The following CACNB2 variants were observed in gnomAD, a reference collection of about 807,000 sequenced individuals.
The protein encoded by CACNB2 is voltage-dependent L-type calcium channel subunit beta-2.
CACNB2 carries 42 observed loss-of-function variants against 73.3 expected under a neutral mutation model. That is an observed-to-expected ratio of 0.57 (90% CI 0.45 to 0.74). CACNB2 has a LOEUF of 0.74. CACNB2 is among the 30% of genes least tolerant of loss of function. The pLI, the probability that CACNB2 is intolerant of heterozygous loss-of-function variation, is 0.00. For missense variants in CACNB2, 940 were observed against 853.0 expected, an observed-to-expected ratio of 1.10 and a Z score of -1.27; for synonymous variants, 348 against 310.3, an observed-to-expected ratio of 1.12 and a Z score of -1.28.
chr10:18,470,476 A>G (rs2048126251), intron 3 of CACNB2, among the ~76,000 whole-genome samples: 1 of 150,608 alleles, frequency 6.6e-6, no homozygotes, highest in South Asian at 2.1e-4. Context: ...ACTGTATTGT[A>G]TATATTACAT....
chr10:18,416,093 TC>T (rs1344795709), intron 3 of CACNB2, among the ~76,000 whole-genome samples: 1 of 152,110 alleles, frequency 6.6e-6, no homozygotes, highest in Non-Finnish European at 1.5e-5. Flanking sequence ...CTGAATTGAT[TC>T]CTTCCATCTT....
chr10:18,536,275 G>GTTTTTTTTTTTTTTT lies in CACNB2; in HGVS notation c.1302+79_1302+80insTTTTTTTTTTTTTTT, dbSNP rs2053587888. 414 of 92,498 alleles carry GTTTTTTTTTTTTTTT rather than the reference G, an allele frequency of 4.5e-3. 88 individuals carry two copies. Among genetic ancestry groups the GTTTTTTTTTTTTTTT allele is most frequent in the African/African-American group, 9.7e-3 (99 of 10,156 alleles). 5.7% of individuals were successfully genotyped at this position (92,498 alleles called of 1,614,324 possible). ...TTTTTTTTTTTTTTTTTTTTTTTTG[G>GTTTTTTTTTTTTTTT]GGGACAAGGTCTTGCTCTGTTGCCC... is the stretch of plus-strand genomic sequence containing the variant. On this transcript the variant is annotated intron_variant, in intron 12 of 13. Transcript: ENST00000324631.
chr10:18,412,135 T>C (rs1249416885), intron 3 of CACNB2, among the ~76,000 whole-genome samples: 3 of 152,142 alleles, frequency 2.0e-5, no homozygotes, highest in Non-Finnish European at 2.9e-5. Flanking sequence ...CGCATGCTGG[T>C]CCCAGGGCTG....
At chr10:18,512,463 C>G (rs965891948) in intron 6 of CACNB2, among the ~76,000 whole-genome samples, 6 of 148,010 alleles carry the variant, frequency 4.1e-5, no homozygotes, top group Admixed American at 1.4e-4. Context: ...TCCATTCTCT[C>G]TTTTTCTCAA....
intron 3 of CACNB2, among the ~76,000 whole-genome samples, chr10:18,478,136 T>A (rs1458613589): frequency 3.3e-5 from 5 of 152,198 alleles, no homozygotes; most frequent in Non-Finnish European, 7.4e-5. Flanking sequence ...TTCACCATGT[T>A]GCCCAGGATG....
chr10:18,248,354 T>C (rs2131541472), intron 2 of CACNB2, among the ~76,000 whole-genome samples: 1 of 152,350 alleles, frequency 6.6e-6, no homozygotes, highest in African/African-American at 2.4e-5. Flanking sequence ...GTAAGAATAA[T>C]GGAATACTTC....
At chr10:18,152,709 C>CAAAAAAAAAAAAAAAAAAAAAAAA (rs772732675) in intron 2 of CACNB2, among the ~76,000 whole-genome samples, 6 of 49,368 alleles carry the variant, frequency 1.2e-4, no homozygotes, top group African/African-American at 1.5e-4. Context: ...TGAAACAGAC[C>CAAAAAAAAAAAAAAAAAAAAAAAA]AAAAAAAAAA....
chr10:18,141,042 G>T, intron 1 of CACNB2, 186 bp downstream of exon 1: 1 of 1,544,932 alleles, frequency 6.5e-7, no homozygotes, highest in Non-Finnish European at 8.7e-7. Context: ...TCCTGGCTCT[G>T]CCTCGGCTTC....
intron 2 of CACNB2, among the ~76,000 whole-genome samples, chr10:18,343,445 A>G (rs1163105397): frequency 6.6e-6 from 1 of 152,152 alleles, no homozygotes; most frequent in East Asian, 1.9e-4. Context: ...GGCAGATTTT[A>G]TCTTCTCTGA....
In CACNB2 at chr10:18,498,393, C is replaced by T; in HGVS notation, c.372C>T (p.Ser124=). 1 of 1,614,146 alleles carries T rather than the reference C, an allele frequency of 6.2e-7. No homozygotes were observed. The highest frequency in any genetic ancestry group is 1.1e-5 in the South Asian group (1 of 91,084). The change falls in exon 4 of 14, where the codon AGC becomes AGT. Residue 124 remains serine, a synonymous_variant. Coordinates refer to ENST00000324631, the MANE Select transcript of CACNB2 (RefSeq NM_201596.3). ...CATTTGCGGTTCGGACAAATGTCAG[C>T]TACAGTGCGGCCCATGAAGATGATG... ...PVAFAVRTNV[S]YSAAHEDDVP...
chr10:18,298,377 A>T (rs542381096), intron 2 of CACNB2, among the ~76,000 whole-genome samples: 17 of 152,198 alleles, frequency 1.1e-4, no homozygotes, highest in Non-Finnish European at 2.2e-4. Context: ...CTCAAAAAAA[A>T]AAAAACCTAA....
chr10:18,437,988 C>A (rs1282586454), intron 3 of CACNB2, among the ~76,000 whole-genome samples: 1 of 143,502 alleles, frequency 7.0e-6, no homozygotes, highest in African/African-American at 2.6e-5. Context: ...TGTCGGGATA[C>A]CTGGCCCAGT....
In CACNB2 at chr10:18,356,938, A is replaced by ATGTCTTTTT. The variant is rs1436280481; in HGVS notation, c.214-44985_214-44984insGTCTTTTTT. Among the ~76,000 whole-genome samples the ATGTCTTTTT allele has an allele frequency of 6.3e-3, 595 of 94,320 alleles. 88 individuals are homozygous for ATGTCTTTTT. Among genetic ancestry groups the ATGTCTTTTT allele is most frequent in the African/African-American group, 8.8e-3 (231 of 26,314 alleles). The allele number at this position is 94,320 out of a possible 152,430, so 61.9% of individuals were successfully genotyped here. ...AGCCACTGTGCCTGGCCCAGACTCAATTTCTTTTTTTTTTTTTTTTTTTTG... is the reference window on the plus strand; with the variant it reads ...AGCCACTGTGCCTGGCCCAGACTCAATGTCTTTTTTTTCTTTTTTTTTTTTTTTTTTTTG... On this transcript the variant is annotated intron_variant, in intron 2 of 13. Transcript: ENST00000324631.
intron 2 of CACNB2, among the ~76,000 whole-genome samples, chr10:18,264,499 T>C (rs1170100993): frequency 1.3e-5 from 2 of 152,086 alleles, no homozygotes; most frequent in Non-Finnish European, 2.9e-5. Context: ...AGCAACCTTC[T>C]CCTCCCTTCC....
At chr10:18,408,781 A>T (rs1010855275) in intron 3 of CACNB2, among the ~76,000 whole-genome samples, 1 of 152,132 alleles carries the variant, frequency 6.6e-6, no homozygotes, top group African/African-American at 2.4e-5. Context: ...TTCTTTAGGG[A>T]TGAGATTATG....
intron 2 of CACNB2, among the ~76,000 whole-genome samples, chr10:18,366,464 C>T (rs1178376797): frequency 1.0e-5 from 1 of 99,566 alleles, no homozygotes; most frequent in African/African-American, 3.7e-5. Flanking sequence ...GACTCCGTCT[C>T]AAAAAAAAAA....
intron 2 of CACNB2, among the ~76,000 whole-genome samples, chr10:18,196,196 C>T (rs1248901095): frequency 6.6e-6 from 1 of 152,006 alleles, no homozygotes; most frequent in East Asian, 1.9e-4. Flanking sequence ...TGGCTTGTAA[C>T]TGTGGGGTTT....
intron 2 of CACNB2, among the ~76,000 whole-genome samples, chr10:18,192,390 C>G (rs911615781): frequency 2.0e-5 from 3 of 151,966 alleles, no homozygotes; most frequent in African/African-American, 7.3e-5. Flanking sequence ...CTTTGTCACC[C>G]AGGCTGGGGT....
chr10:18,213,860 T>C (rs1264440094), intron 2 of CACNB2, among the ~76,000 whole-genome samples: 1 of 152,230 alleles, frequency 6.6e-6, no homozygotes, highest in Non-Finnish European at 1.5e-5. Context: ...TAACTGAATT[T>C]TTAATGAGAT....
Sources: allele counts gnomAD v4.1 joint callset (sites outside exome capture counted in the v4.1 genomes callset), GRCh38; gene constraint gnomAD v4.1.1; transcripts MANE v1.5; gene names NCBI Gene and HGNC (gene_info 2026-07-23, HGNC 2026-07-21).